ENPP3: variants seen among roughly 807,000 people sequenced by gnomAD.
ENPP3 encodes the protein ectonucleotide pyrophosphatase/phosphodiesterase 3.
A neutral mutation model predicts 117.8 loss-of-function variants in ENPP3; 104 were observed. That is an observed-to-expected ratio of 0.88 (90% CI 0.75 to 1.04). The LOEUF (loss-of-function observed/expected upper bound fraction) is 1.04. Among genes scored for constraint, ENPP3 ranks in the 50% least tolerant of loss-of-function variants. The probability of loss-of-function intolerance (pLI) is 0.00; values close to 1 mark genes in which losing one functional copy is unlikely to be tolerated. For missense variants in ENPP3, 1,026 were observed against 1,051.9 expected (o/e 0.98, Z 0.34); for synonymous variants, 380 against 349.9 (o/e 1.09, Z -0.96).
intron 20 of ENPP3, among the ~76,000 whole-genome samples, chr6:131,732,275 C>T (rs73777795): frequency 0.01 from 1,595 of 152,168 alleles, 21 homozygotes; most frequent in African/African-American, 0.033. Context: ...TGTTCACTTA[C>T]CCATGATTAT....
intron 1 of ENPP3, among the ~76,000 whole-genome samples, chr6:131,638,152 A>G (rs1777966393): frequency 6.6e-6 from 1 of 151,740 alleles, no homozygotes; most frequent in Admixed American, 6.6e-5. Flanking sequence ...CTTTGTTTCT[A>G]CTGTACTGAG....
intron 15 of ENPP3, among the ~76,000 whole-genome samples, chr6:131,694,734 T>C (rs1779362600): frequency 6.6e-6 from 1 of 151,378 alleles, no homozygotes; most frequent in South Asian, 2.1e-4. Context: ...CTGGAGAGGC[T>C]GAGGCAGGAG....
In ENPP3 at chr6:131,737,294, T is replaced by C. The variant is rs1047858169; in HGVS notation, c.2090-61T>C. On this transcript the variant is annotated intron_variant, in intron 21 of 24. Transcript: ENST00000357639. ...TTAATATGTAATAGTAGTATGCCTG[T>C]TGTGCAGTATGTCATATTTTCTCTT... 2.3e-5 allele frequency: 22 copies of C among 956,082 alleles called. No individual in the cohort carries two copies. In the African/African-American group the frequency reaches 3.4e-4, roughly 15 times the overall value. The allele number at this position is 956,082 out of a possible 1,614,324, so 59.2% of individuals were successfully genotyped here.
At chr6:131,739,800 G>A (rs1407534089) in intron 23 of ENPP3, among the ~76,000 whole-genome samples, 1 of 151,562 alleles carries the variant, frequency 6.6e-6, no homozygotes, top group African/African-American at 2.4e-5. Context: ...GCCTGGTGCA[G>A]TGGCTCACGC....
intron 7 of ENPP3, 81 bp downstream of exon 7, chr6:131,671,408 C>T (rs1473559481): frequency 1.2e-6 from 1 of 843,392 alleles, no homozygotes; most frequent in Non-Finnish European, 2.0e-6. Context: ...AGGAACTGAC[C>T]GAGTTCTGTG....
chr6:131,692,018 A>C (rs772641052), intron 14 of ENPP3, among the ~76,000 whole-genome samples: 2 of 152,168 alleles, frequency 1.3e-5, no homozygotes, highest in Middle Eastern at 3.4e-3. Flanking sequence ...TTGCTCTCCC[A>C]TTGTCTATAT....
intron 16 of ENPP3, among the ~76,000 whole-genome samples, chr6:131,719,446 T>A (rs1779970071): frequency 6.9e-6 from 1 of 144,782 alleles, no homozygotes; most frequent in South Asian, 2.2e-4. Flanking sequence ...GAAAAAAAAA[T>A]GTATTAGGCC....
intron 15 of ENPP3, among the ~76,000 whole-genome samples, chr6:131,702,485 ATT>A (rs140349321): frequency 0.13 from 19,788 of 152,214 alleles, 1,718 homozygotes; most frequent in Non-Finnish European, 0.2. Context: ...GACTGAATAG[ATT>A]TGCACTGTGT....
At chr6:131,668,331 C>T (rs1778664534) in intron 6 of ENPP3, among the ~76,000 whole-genome samples, 1 of 134,740 alleles carries the variant, frequency 7.4e-6, no homozygotes, top group Non-Finnish European at 1.6e-5. Flanking sequence ...TCCTGTCTCG[C>T]CCCCCCCTGA....
chr6:131,679,750 G>A (rs1778983135), intron 11 of ENPP3, among the ~76,000 whole-genome samples: 1 of 152,110 alleles, frequency 6.6e-6, no homozygotes, highest in Non-Finnish European at 1.5e-5. Context: ...GTGCACATAG[G>A]AGGAACACAT....
chr6:131,687,660 CAAAT>C (rs1345534172), intron 14 of ENPP3, among the ~76,000 whole-genome samples: 27 of 152,186 alleles, frequency 1.8e-4, no homozygotes, highest in African/African-American at 5.8e-4. Context: ...AAGCAAAAAA[CAAAT>C]AACCCCATTA....
chr6:131,678,886 C>CT (rs1269941789), intron 11 of ENPP3, among the ~76,000 whole-genome samples: 1 of 142,912 alleles, frequency 7.0e-6, no homozygotes, highest in Non-Finnish European at 1.6e-5. Context: ...ACCATGCCTT[C>CT]TTTTCCCTTT....
At chr6:131,678,907 C>CTCTTTCTCTCTTTCTT (rs1778932219) in intron 11 of ENPP3, among the ~76,000 whole-genome samples, 3 of 71,762 alleles carry the variant, frequency 4.2e-5, no homozygotes, top group African/African-American at 1.5e-4. Flanking sequence ...CTTTCTTTCT[C>CTCTTTCTCTCTTTCTT]TCTTTCTTTC....
intron 20 of ENPP3, among the ~76,000 whole-genome samples, chr6:131,728,734 T>A (rs1174238728): frequency 6.6e-6 from 1 of 152,176 alleles, no homozygotes; most frequent in Admixed American, 6.5e-5. Flanking sequence ...AGAGCTTTTG[T>A]TTTTCTGTGG....
rs1472586720 is a variant in ENPP3 at position 131,701,872 on chromosome 6, ACT to A, written c.1412+8251_1412+8252del. ...ACTCCAGCCTGGGTGACAGAGCCAG[ACT>A]CTGTCTCCAGAAAAAAAAAAAAAAG... On this transcript the variant is annotated intron_variant, in intron 15 of 24. Transcript: ENST00000357639. Among the ~76,000 whole-genome samples, 8 of 147,184 alleles carry A rather than the reference ACT, an allele frequency of 5.4e-5. No homozygotes were observed. In the East Asian group the frequency reaches 1.6e-3, roughly 29 times the overall value.
intron 6 of ENPP3, among the ~76,000 whole-genome samples, chr6:131,663,220 C>T (rs1309163488): frequency 1.3e-5 from 2 of 150,006 alleles, no homozygotes; most frequent in African/African-American, 4.9e-5. Flanking sequence ...TGTTACTGAT[C>T]TTAGGTGGAA....
Position 131,747,055 on chromosome 6 carries a change from T to C in ENPP3, c.*99T>C. 1 of 623,288 alleles carries C rather than the reference T, an allele frequency of 1.6e-6. No homozygotes were observed. Among genetic ancestry groups the C allele is most frequent in the Non-Finnish European group, 2.5e-6 (1 of 397,094 alleles). The allele number at this position is 623,288 out of a possible 1,614,324, so 38.6% of individuals were successfully genotyped here. On this transcript the variant is annotated 3_prime_UTR_variant, in exon 25 of 25. Coordinates refer to ENST00000357639, the MANE Select transcript of ENPP3 (RefSeq NM_005021.5). The stretch of plus-strand genomic sequence containing the variant: ...GAGAATTGTAAAATAAAGTTTTCTA[T>C]TTTTCCTTAAGTCCCCTAAAAGCCA...
At chr6:131,712,891 G>T (rs1779817591) in intron 15 of ENPP3, among the ~76,000 whole-genome samples, 2 of 150,620 alleles carry the variant, frequency 1.3e-5, no homozygotes, top group African/African-American at 5.0e-5. Context: ...CTTCCTGAAA[G>T]ATCTCATACC....
rs188973798 is a variant in ENPP3 at position 131,729,460 on chromosome 6, G to A, written c.1953+3260G>A. 9.9e-5 allele frequency among the ~76,000 whole-genome samples: 15 copies of A among 152,272 alleles called. No individual in the cohort carries two copies. In the East Asian group the frequency reaches 2.7e-3, roughly 27 times the overall value. On this transcript the variant is annotated intron_variant, in intron 20 of 24. Transcript: ENST00000357639. The stretch of plus-strand genomic sequence containing the variant: ...TTTCAATGCCAGACTAAAAGTACAA[G>A]CAGCTCACGTTCCTGTCTATACTCA...
Sources: allele counts gnomAD v4.1 joint callset (sites outside exome capture counted in the v4.1 genomes callset), GRCh38; gene constraint gnomAD v4.1.1; transcripts MANE v1.5; gene names NCBI Gene and HGNC (gene_info 2026-07-23, HGNC 2026-07-21).